The following KMT5B variants were observed in gnomAD, a reference collection of about 807,000 sequenced individuals.
The protein encoded by KMT5B is histone-lysine N-methyltransferase KMT5B.
Under a neutral mutation model 83.2 loss-of-function variants are expected in KMT5B, and 10 were observed. That is an observed-to-expected ratio of 0.12 (90% CI 0.07 to 0.20). The LOEUF (loss-of-function observed/expected upper bound fraction) is 0.20. KMT5B is among the 10% of genes least tolerant of loss of function. The probability of loss-of-function intolerance (pLI) is 1.00; values close to 1 mark genes in which losing one functional copy is unlikely to be tolerated. For synonymous variants in KMT5B, 349 were observed against 388.8 expected, an observed-to-expected ratio of 0.90 and a Z score of 1.20; for missense variants, 753 against 1,067.2, an observed-to-expected ratio of 0.71 and a Z score of 4.10.
Position 68,158,892 on chromosome 11 carries a change from T to C in KMT5B, c.1454A>G (p.Tyr485Cys), listed in dbSNP as rs1289399500. 2.5e-6 allele frequency: 4 copies of C among 1,614,070 alleles called. No individual in the cohort carries two copies. The highest frequency in any genetic ancestry group is 3.4e-6 in the Non-Finnish European group (4 of 1,180,046). Reference sequence around the variant, plus strand: ...ATCTTTTTTAATGGGCAAATTTTTATACAGAACTACTTTAGGCTCTTTCAG... The same window carrying C: ...ATCTTTTTTAATGGGCAAATTTTTACACAGAACTACTTTAGGCTCTTTCAG... ...LVLKEPKVVL[Y>C]KNLPIKKDKE... The change falls in exon 11 of 11, where the codon TAT (tyrosine) becomes TGT (cysteine). Residue 485 changes from tyrosine (Y) to cysteine (C), a missense_variant. Tyr to Cys is a radical substitution (Grantham distance 194). Coordinates refer to ENST00000304363, the MANE Select transcript of KMT5B (RefSeq NM_017635.5).
chr11:68,212,576 A>G (rs1861048651), intron 1 of KMT5B: 1 of 152,694 alleles, frequency 6.5e-6, no homozygotes, highest in Non-Finnish European at 1.5e-5. Flanking sequence ...TCATCCGCGA[A>G]TACGTGGAAG....
chr11:68,208,989 T>G (rs1860523863), intron 1 of KMT5B, among the ~76,000 whole-genome samples: 1 of 152,146 alleles, frequency 6.6e-6, no homozygotes, highest in Non-Finnish European at 1.5e-5. Flanking sequence ...AGGGGGAAAG[T>G]GAAGGGGGGT....
At chr11:68,174,036 T>G in intron 5 of KMT5B, 123 bp from the exon 6 acceptor site, 1 of 723,748 alleles carries the variant, frequency 1.4e-6, no homozygotes, top group Non-Finnish European at 2.5e-6. Context: ...CTGAGCAACA[T>G]AGCGAGACCC....
At chr11:68,175,734 C>G (rs1856300296) in intron 4 of KMT5B, among the ~76,000 whole-genome samples, 2 of 152,090 alleles carry the variant, frequency 1.3e-5, no homozygotes, top group Non-Finnish European at 2.9e-5. Flanking sequence ...TGTACACAGT[C>G]AGAAAAAACC....
chr11:68,169,302 C>A (rs1187415181), intron 9 of KMT5B, among the ~76,000 whole-genome samples: 1 of 152,100 alleles, frequency 6.6e-6, no homozygotes, highest in African/African-American at 2.4e-5. Context: ...GGTTTGGAAT[C>A]CTCAGTATGT....
rs1859329795 is a variant in KMT5B, at chr11:68,156,847, TAAGATAGCTG to T, written c.*831_*840del. ...CAACAGAAAACTTGAAGAACCAAAT[TAAGATAGCTG>T]TAGTTCATTAGATAAATGTTGCTTG... On this transcript the variant is annotated 3_prime_UTR_variant, in exon 11 of 11. Coordinates refer to ENST00000304363, the MANE Select transcript of KMT5B (RefSeq NM_017635.5). 1 of 152,646 alleles carries T rather than the reference TAAGATAGCTG, an allele frequency of 6.6e-6. No homozygotes were observed. Among genetic ancestry groups the T allele is most frequent in the Non-Finnish European group, 1.5e-5 (1 of 68,034 alleles). The allele number at this position is 152,646 out of a possible 1,614,324, so 9.5% of individuals were successfully genotyped here. A position where few individuals can be genotyped will look rare whatever the true frequency, so the allele number is the denominator to read the frequency against.
intron 3 of KMT5B, among the ~76,000 whole-genome samples, chr11:68,182,026 A>G (rs557556506): frequency 2.6e-5 from 4 of 152,336 alleles, no homozygotes; most frequent in African/African-American, 9.6e-5. Flanking sequence ...GGACTAAAAA[A>G]TACTTAAAAA....
At chr11:68,192,093 C>T (rs1225935717) in intron 1 of KMT5B, among the ~76,000 whole-genome samples, 1 of 152,162 alleles carries the variant, frequency 6.6e-6, no homozygotes, top group Non-Finnish European at 1.5e-5. Context: ...GTGTAGTAGG[C>T]TAGACTACCT....
chr11:68,182,766 C>T (rs1457314103), intron 3 of KMT5B, among the ~76,000 whole-genome samples: 3 of 136,778 alleles, frequency 2.2e-5, no homozygotes, highest in African/African-American at 5.5e-5. Context: ...GACTGAGTTT[C>T]GCTCTTGTTG....
At position 68,157,560 on chromosome 11, in the gene KMT5B, T is replaced by G. The variant is rs1859389866; in HGVS notation, c.*128A>C. The G allele has an allele frequency of 1.5e-6, 2 of 1,353,384 alleles. No individual in the cohort carries two copies. Among genetic ancestry groups the G allele is most frequent in the African/African-American group, 2.9e-5 (2 of 68,642 alleles). 83.8% of individuals were successfully genotyped at this position (1,353,384 alleles called of 1,614,324 possible). A position where few individuals can be genotyped will look rare whatever the true frequency, so the allele number is the denominator to read the frequency against. ...TTGAGTCAGTATGCTGTACACTTTCTACAATAGTATGCTGATAAGTGAAGG... is the reference window on the plus strand; with the variant it reads ...TTGAGTCAGTATGCTGTACACTTTCGACAATAGTATGCTGATAAGTGAAGG... On this transcript the variant is annotated 3_prime_UTR_variant, in exon 11 of 11. Coordinates refer to ENST00000304363, the MANE Select transcript of KMT5B (RefSeq NM_017635.5).
intron 1 of KMT5B, chr11:68,212,591 G>GAC (rs891020671): frequency 2.0e-5 from 3 of 152,950 alleles, no homozygotes; most frequent in Admixed American, 6.5e-5. Context: ...TGGAAGGACA[G>GAC]ACACACACCA....
At chr11:68,169,248 C>A (rs1247527440) in intron 9 of KMT5B, among the ~76,000 whole-genome samples, 1 of 152,254 alleles carries the variant, frequency 6.6e-6, no homozygotes. Flanking sequence ...AGGAAAATGA[C>A]TATACCTGCA....
chr11:68,182,154 C>T (rs58057817), intron 3 of KMT5B, among the ~76,000 whole-genome samples: 19,681 of 152,140 alleles, frequency 0.13, 1,511 homozygotes, highest in East Asian at 0.23. Flanking sequence ...TCTTGAGTTC[C>T]AAAAATATTT....
At chr11:68,188,924 T>G (rs1271743935) in intron 2 of KMT5B, among the ~76,000 whole-genome samples, 1 of 152,170 alleles carries the variant, frequency 6.6e-6, no homozygotes, top group Admixed American at 6.6e-5. Flanking sequence ...GACCACTCAT[T>G]CAGTCTTGCC....
intron 4 of KMT5B, among the ~76,000 whole-genome samples, chr11:68,179,309 T>C (rs1856690771): frequency 6.6e-6 from 1 of 152,208 alleles, no homozygotes; most frequent in Admixed American, 6.5e-5. Flanking sequence ...CCTCCCTCCC[T>C]TAATAGAAAA....
chr11:68,189,220 C>T (rs748192625), intron 2 of KMT5B, among the ~76,000 whole-genome samples: 14 of 152,316 alleles, frequency 9.2e-5, no homozygotes, highest in Admixed American at 4.6e-4. Flanking sequence ...ACATGACATA[C>T]GTTTGGACAT....
intron 4 of KMT5B, among the ~76,000 whole-genome samples, chr11:68,179,296 C>T (rs897088351): frequency 3.9e-5 from 6 of 152,146 alleles, no homozygotes; most frequent in African/African-American, 1.2e-4. Flanking sequence ...CAATATGCCC[C>T]GTCCTCCCTC....
intron 1 of KMT5B, among the ~76,000 whole-genome samples, chr11:68,210,364 G>A (rs1026651185): frequency 6.6e-6 from 1 of 152,158 alleles, no homozygotes; most frequent in African/African-American, 2.4e-5. Flanking sequence ...GATGAACTAA[G>A]GTGATTAGAG....
intron 4 of KMT5B, chr11:68,179,442 AAAC>A (rs1856705810): frequency 2.3e-6 from 3 of 1,302,856 alleles, no homozygotes; most frequent in Non-Finnish European, 3.0e-6. Flanking sequence ...GGCAGGAAAA[AAAC>A]ATATGAATTC....
Sources: gnomAD v4.1 joint callset for allele counts (sites outside exome capture counted in the v4.1 genomes callset) on GRCh38, gnomAD v4.1.1 for gene constraint, MANE v1.5 for transcripts, NCBI Gene and HGNC (gene_info 2026-07-23, HGNC 2026-07-21) for gene names.